The following UBAC2 variants were observed in gnomAD, a reference collection of about 807,000 sequenced individuals.
UBAC2 encodes the protein UBA domain containing 2.
UBAC2 carries 26 observed loss-of-function variants against 44.0 expected under a neutral mutation model. The ratio of observed to expected loss-of-function variants is 0.59; its 90% CI spans 0.43 to 0.82. UBAC2 has a LOEUF of 0.82. Among genes scored for constraint, UBAC2 ranks in the 40% least tolerant of loss-of-function variants. UBAC2 has a pLI of 0.00. For synonymous variants in UBAC2, 155 were observed against 154.3 expected (o/e 1.00, Z -0.04); for missense variants, 329 against 419.4 (o/e 0.78, Z 1.88).
At chr13:99,285,990 GA>G (rs1004681881) in intron 4 of UBAC2, among the ~76,000 whole-genome samples, 2 of 152,178 alleles carry the variant, frequency 1.3e-5, no homozygotes, top group Non-Finnish European at 2.9e-5. Context: ...GCTCACAGTT[GA>G]TGTAATTAAC....
intron 2 of UBAC2, among the ~76,000 whole-genome samples, chr13:99,242,713 C>T (rs12866788): frequency 3.1e-5 from 4 of 130,408 alleles, no homozygotes; most frequent in Admixed American, 1.5e-4. Context: ...CCCGACGGGG[C>T]GGCTGGCCTG....
At chr13:99,301,575 ATTATC>A (rs901533172) in intron 4 of UBAC2, among the ~76,000 whole-genome samples, 3 of 152,072 alleles carry the variant, frequency 2.0e-5, no homozygotes. Context: ...TTCTTGAGAT[ATTATC>A]ATCTCATTTT....
intron 4 of UBAC2, among the ~76,000 whole-genome samples, chr13:99,286,325 CT>C (rs2044018605): frequency 2.0e-5 from 3 of 152,094 alleles, no homozygotes; most frequent in Non-Finnish European, 4.4e-5. Flanking sequence ...ATAGTTCTTC[CT>C]TGTGGTCCTT....
At chr13:99,247,249 C>G (rs1246371077) in intron 4 of UBAC2, among the ~76,000 whole-genome samples, 8 of 151,008 alleles carry the variant, frequency 5.3e-5, no homozygotes, top group East Asian at 1.9e-4. Context: ...GAGTCTCGCT[C>G]TGTCGCCCAG....
At chr13:99,296,772 C>T (rs1189340615) in intron 4 of UBAC2, among the ~76,000 whole-genome samples, 2 of 151,694 alleles carry the variant, frequency 1.3e-5, no homozygotes, top group African/African-American at 4.8e-5. Flanking sequence ...AAGAAGACGA[C>T]GACCGCAACA....
intron 4 of UBAC2, among the ~76,000 whole-genome samples, chr13:99,257,730 T>C (rs1390870460): frequency 6.6e-6 from 1 of 152,204 alleles, no homozygotes. Context: ...AGTTATTTCA[T>C]GAAACAATGT....
chr13:99,287,427 C>G (rs1206354325), intron 4 of UBAC2, among the ~76,000 whole-genome samples: 1 of 149,030 alleles, frequency 6.7e-6, no homozygotes. Flanking sequence ...AACTGCTGTT[C>G]TTTTTTTTTT....
At chr13:99,359,113 T>G (rs896774732) in intron 7 of UBAC2, among the ~76,000 whole-genome samples, 3 of 151,958 alleles carry the variant, frequency 2.0e-5, no homozygotes, top group African/African-American at 7.3e-5. Context: ...TGAGAAGGCG[T>G]AGCTAGAGGG....
chr13:99,255,140 A>G lies in UBAC2; in HGVS notation c.389+10516A>G, dbSNP rs199762287. 11 of 1,614,174 alleles carry G rather than the reference A, an allele frequency of 6.8e-6. No homozygotes were observed. The African/African-American group carries it at 1.3e-4, about 20-fold the overall frequency. ...GCGAAACAGATGTGGAAGGGCATAAAGCAGACGAGCACCTGCACCAGCAGC... is the reference window on the plus strand; with the variant it reads ...GCGAAACAGATGTGGAAGGGCATAAGGCAGACGAGCACCTGCACCAGCAGC... On this transcript the variant is annotated intron_variant, in intron 4 of 8. Coordinates refer to ENST00000403766, the MANE Select transcript of UBAC2 (RefSeq NM_001144072.2).
intron 7 of UBAC2, among the ~76,000 whole-genome samples, chr13:99,353,489 G>T (rs1320815113): frequency 6.6e-6 from 1 of 152,176 alleles, no homozygotes; most frequent in Non-Finnish European, 1.5e-5. Context: ...AGAAAAAAGA[G>T]CGAGGTACAG....
At chr13:99,343,367 G>A (rs781501815) in intron 7 of UBAC2, among the ~76,000 whole-genome samples, 3 of 100,642 alleles carry the variant, frequency 3.0e-5, no homozygotes, top group African/African-American at 5.6e-5. Context: ...AACTCCGCAC[G>A]GTGTCTTTCC....
At position 99,374,755 on chromosome 13, in the gene UBAC2, T is replaced by C. The variant is rs774486782; in HGVS notation, c.927+6849T>C. Among the ~76,000 whole-genome samples, 66 of 152,196 alleles carry C rather than the reference T, an allele frequency of 4.3e-4. 1 individual carries two copies. Among genetic ancestry groups the C allele is most frequent in the Middle Eastern group, 3.4e-3 (1 of 294 alleles). ...CTGAGTAGCCAAGCATGGCAGCACA[T>C]TGGGTATTGGGTTAGCCTCCCATGG... On this transcript the variant is annotated intron_variant, in intron 8 of 8. Transcript: ENST00000403766.
chr13:99,268,203 A>G (rs980645370), intron 4 of UBAC2, among the ~76,000 whole-genome samples: 4 of 152,184 alleles, frequency 2.6e-5, no homozygotes, highest in African/African-American at 9.7e-5. Flanking sequence ...GTCCCTGGAG[A>G]TAAGGGAACA....
chr13:99,244,069 A>G, intron 3 of UBAC2, 118 bp downstream of exon 3: 2 of 842,594 alleles, frequency 2.4e-6, no homozygotes, highest in Non-Finnish European at 3.5e-6. Context: ...TAATTACACT[A>G]TTCTGTATCT....
intron 1 of UBAC2, chr13:99,215,532 T>C: frequency 6.8e-7 from 1 of 1,471,182 alleles, no homozygotes; most frequent in Non-Finnish European, 9.5e-7. Flanking sequence ...TACCTTTAAG[T>C]CTTTTGATGC....
chr13:99,302,561 C>T (rs1179072641), intron 4 of UBAC2, among the ~76,000 whole-genome samples: 1 of 152,200 alleles, frequency 6.6e-6, no homozygotes, highest in African/African-American at 2.4e-5. Flanking sequence ...AAATTTGGCC[C>T]AGTGTCACAC....
intron 4 of UBAC2, among the ~76,000 whole-genome samples, chr13:99,264,434 T>G (rs1420442431): frequency 6.6e-6 from 1 of 152,212 alleles, no homozygotes; most frequent in East Asian, 1.9e-4. Flanking sequence ...AAAAACTGCC[T>G]TATAGCTTGT....
chr13:99,273,298 T>C (rs2043841243), intron 4 of UBAC2, among the ~76,000 whole-genome samples: 1 of 152,144 alleles, frequency 6.6e-6, no homozygotes, highest in Non-Finnish European at 1.5e-5. Context: ...CCCTGAAAGG[T>C]GTTAAACCAC....
intron 1 of UBAC2, among the ~76,000 whole-genome samples, chr13:99,204,558 G>A (rs2042844886): frequency 6.6e-6 from 1 of 152,150 alleles, no homozygotes; most frequent in Non-Finnish European, 1.5e-5. Flanking sequence ...TAGGTGCCAG[G>A]GAAGAAAACT....
Sources: allele counts gnomAD v4.1 joint callset (sites outside exome capture counted in the v4.1 genomes callset), GRCh38; gene constraint gnomAD v4.1.1; transcripts MANE v1.5; gene names NCBI Gene and HGNC (gene_info 2026-07-23, HGNC 2026-07-21).